Variants in SNX29 observed in about 807,000 individuals in gnomAD.
SNX29 encodes the protein sorting nexin-29.
In SNX29, 78 loss-of-function variants were observed where a neutral mutation model predicts 102.1. That is an observed-to-expected ratio of 0.76 (90% CI 0.64 to 0.92). The LOEUF (loss-of-function observed/expected upper bound fraction) is 0.92, where lower values mean the gene tolerates loss of function less well. SNX29 is among the 40% of genes least tolerant of loss of function. SNX29 has a pLI of 0.00. For missense variants in SNX29, 1,280 were observed against 1,061.7 expected (o/e 1.21, Z -2.86); for synonymous variants, 580 against 414.5 (o/e 1.40, Z -4.85).
chr16:12,538,707 C>T (rs1043680467), intron 20 of SNX29, among the ~76,000 whole-genome samples: 7 of 152,086 alleles, frequency 4.6e-5, no homozygotes, highest in East Asian at 1.9e-4. Context: ...CGAGCCTGGG[C>T]ATGTACATCA....
intron 18 of SNX29, chr16:12,442,898 C>CA (rs1169702824): frequency 1.9e-4 from 81 of 416,072 alleles, no homozygotes; most frequent in South Asian, 7.0e-4. Flanking sequence ...TGGCTGTGTT[C>CA]AAAAAAAACT....
At chr16:12,126,600 C>T (rs2054223578) in intron 11 of SNX29, 33 bp from the exon 12 acceptor site, 1 of 1,610,994 alleles carries the variant, frequency 6.2e-7, no homozygotes, top group East Asian at 2.2e-5. Context: ...GCAAGACCTG[C>T]CAATTAATCT....
At chr16:11,993,164 C>CATAAATAAATAA (rs34364875) in intron 1 of SNX29, among the ~76,000 whole-genome samples, 99 of 146,526 alleles carry the variant, frequency 6.8e-4, no homozygotes, top group Non-Finnish European at 7.5e-4. Flanking sequence ...GACTCTGTCT[C>CATAAATAAATAA]ATAAATAAAT....
intron 18 of SNX29, among the ~76,000 whole-genome samples, chr16:12,466,566 C>T (rs941833529): frequency 1.3e-5 from 2 of 152,122 alleles, no homozygotes; most frequent in African/African-American, 4.8e-5. Context: ...GTCTTCAGAG[C>T]GTCTTTGAAA....
rs1339335641 is a variant in SNX29 at position 12,572,607 on chromosome 16, C to T, written c.*3978C>T. 1.9e-6 allele frequency: 2 copies of T among 1,063,940 alleles called. No homozygotes were observed. Among genetic ancestry groups the T allele is most frequent in the Non-Finnish European group, 2.3e-6 (2 of 878,478 alleles). 65.9% of individuals were successfully genotyped at this position (1,063,940 alleles called of 1,614,324 possible). A position where few individuals can be genotyped will look rare whatever the true frequency, so the allele number is the denominator to read the frequency against. Reference sequence around the variant, plus strand: ...CTGGGCTCCCAGTGAGCCCCCTCCCCTCCGGCTACCCCCAGAATCCATCCT... The same window carrying T: ...CTGGGCTCCCAGTGAGCCCCCTCCCTTCCGGCTACCCCCAGAATCCATCCT... On this transcript the variant is annotated 3_prime_UTR_variant, in exon 21 of 21. Coordinates refer to ENST00000566228, the MANE Select transcript of SNX29 (RefSeq NM_032167.5).
intron 16 of SNX29, among the ~76,000 whole-genome samples, chr16:12,386,484 C>T (rs1014196254): frequency 1.4e-4 from 22 of 152,106 alleles, no homozygotes; most frequent in South Asian, 2.1e-4. Context: ...TGGGTGGCTG[C>T]GTCTCCCTCC....
At position 12,512,369 on chromosome 16, in the gene SNX29, A is replaced by ATATATATATATATATATATAT. The variant is rs2089660367; in HGVS notation, c.2179-12333_2179-12332insTATATATATATATATATATAT. ...CGTCCATCATGGAAGGCCCAGGGAA[A>ATATATATATATATATATATAT]ATATATATATATATATATATATATA... On this transcript the variant is annotated intron_variant, in intron 19 of 20. Transcript: ENST00000566228. Among the ~76,000 whole-genome samples the ATATATATATATATATATATAT allele has an allele frequency of 6.8e-5, 3 of 43,962 alleles. 1 individual carries two copies. The highest frequency in any genetic ancestry group is 9.2e-5 in the African/African-American group (1 of 10,820). The allele number at this position is 43,962 out of a possible 152,430, so 28.8% of individuals were successfully genotyped here.
intron 20 of SNX29, among the ~76,000 whole-genome samples, chr16:12,541,713 T>G (rs1567679016): frequency 1.3e-5 from 2 of 152,114 alleles, no homozygotes; most frequent in South Asian, 4.1e-4. Flanking sequence ...GGGTTCCTGA[T>G]TCCTGTCACC....
chr16:12,544,038 A>G (rs941162461), intron 20 of SNX29, among the ~76,000 whole-genome samples: 5 of 152,216 alleles, frequency 3.3e-5, no homozygotes, highest in African/African-American at 1.2e-4. Flanking sequence ...TTGACTCATC[A>G]CATTGCAAAG....
chr16:12,019,004 C>G (rs921257336), intron 3 of SNX29, among the ~76,000 whole-genome samples: 1 of 152,022 alleles, frequency 6.6e-6, no homozygotes, highest in African/African-American at 2.4e-5. Flanking sequence ...TTAAAAAATG[C>G]TATATCCAAG....
At chr16:12,339,791 C>G (rs1006833476) in intron 15 of SNX29, among the ~76,000 whole-genome samples, 1 of 152,204 alleles carries the variant, frequency 6.6e-6, no homozygotes, top group Non-Finnish European at 1.5e-5. Flanking sequence ...GGAATTGACT[C>G]TTATTGGCCT....
At chr16:12,443,375 C>T (rs1029216273) in intron 18 of SNX29, 1 of 160,368 alleles carries the variant, frequency 6.2e-6, no homozygotes, top group African/African-American at 2.4e-5. Context: ...ATGCCAGCCA[C>T]ATGTTTTACC....
Position 12,572,791 on chromosome 16 carries a change from T to G in SNX29, c.*4162T>G. On this transcript the variant is annotated 3_prime_UTR_variant, in exon 21 of 21. Transcript: ENST00000566228. ...AGGAAGACCCCACCTCACTCCTCCT[T>G]CCCCAGTACATCAGACTGGTTAGGA... 7.5e-6 allele frequency: 8 copies of G among 1,063,408 alleles called. No homozygotes were observed. Among genetic ancestry groups the G allele is most frequent in the Non-Finnish European group, 9.1e-6 (8 of 878,068 alleles). 65.9% of individuals were successfully genotyped at this position (1,063,408 alleles called of 1,614,324 possible). A position where few individuals can be genotyped will look rare whatever the true frequency, so the allele number is the denominator to read the frequency against.
At position 12,239,588 on chromosome 16, in the gene SNX29, G is replaced by A. The variant is rs559445069; in HGVS notation, c.1679-38345G>A. 2.0e-3 allele frequency among the ~76,000 whole-genome samples: 293 copies of A among 147,728 alleles called. 2 individuals are homozygous for A. The highest frequency in any genetic ancestry group is 3.6e-3 in the Non-Finnish European group (240 of 67,498). ...CACTCCTGTAATCCCAGCGCTTTGG[G>A]AGTCCAAAGCTGGAGAATCACTTGA... is the stretch of plus-strand genomic sequence containing the variant. On this transcript the variant is annotated intron_variant, in intron 14 of 20. Coordinates refer to ENST00000566228, the MANE Select transcript of SNX29 (RefSeq NM_032167.5).
chr16:12,409,365 A>T (rs1412119220), intron 18 of SNX29, among the ~76,000 whole-genome samples: 1 of 148,606 alleles, frequency 6.7e-6, no homozygotes, highest in Non-Finnish European at 1.5e-5. Flanking sequence ...ACCTTTGCAG[A>T]TGTTTGATCT....
chr16:12,408,580 G>A (rs1181770599), intron 18 of SNX29, among the ~76,000 whole-genome samples: 2 of 152,220 alleles, frequency 1.3e-5, no homozygotes, highest in African/African-American at 4.8e-5. Flanking sequence ...CAGCACTTTG[G>A]GAAGCCAAGG....
intron 16 of SNX29, among the ~76,000 whole-genome samples, chr16:12,363,345 C>T (rs568984820): frequency 1.3e-5 from 2 of 152,270 alleles, no homozygotes; most frequent in South Asian, 4.2e-4. Flanking sequence ...ATGGGAATCT[C>T]AGCCACTTCC....
At chr16:12,552,839 G>C (rs1416295621) in intron 20 of SNX29, among the ~76,000 whole-genome samples, 1 of 152,230 alleles carries the variant, frequency 6.6e-6, no homozygotes, top group African/African-American at 2.4e-5. Context: ...TGACCTGCCA[G>C]AGAGGAGAGG....
rs759533975 is a variant in SNX29 at position 12,573,787 on chromosome 16, C to A, written c.*5158C>A. 4.9e-5 allele frequency: 11 copies of A among 222,418 alleles called. No individual in the cohort carries two copies. Among genetic ancestry groups the A allele is most frequent in the Non-Finnish European group, 8.1e-5 (9 of 111,366 alleles). The allele number at this position is 222,418 out of a possible 1,614,324, so 13.8% of individuals were successfully genotyped here. On this transcript the variant is annotated 3_prime_UTR_variant, in exon 21 of 21. Transcript: ENST00000566228. ...CAGTGACCCCAGAGACCATTAATTT[C>A]CCGGAGTGAAGGGGATGGGGGTAGA...
Sources: gnomAD v4.1 joint callset for allele counts (sites outside exome capture counted in the v4.1 genomes callset) on GRCh38, gnomAD v4.1.1 for gene constraint, MANE v1.5 for transcripts, NCBI Gene and HGNC (gene_info 2026-07-23, HGNC 2026-07-21) for gene names.